Variants in GRM7 observed in about 807,000 individuals in gnomAD.
The protein encoded by GRM7 is metabotropic glutamate receptor 7.
A neutral mutation model predicts 84.5 loss-of-function variants in GRM7; 35 were observed. That is an observed-to-expected ratio of 0.41 (90% CI 0.32 to 0.55). GRM7 has a LOEUF of 0.55. Ranked by LOEUF, GRM7 falls within the 20% of genes least tolerant of loss-of-function variation. The probability of loss-of-function intolerance (pLI) is 0.19; values close to 1 mark genes in which losing one functional copy is unlikely to be tolerated. For synonymous variants in GRM7, 487 were observed against 455.1 expected (o/e 1.07, Z -0.89); for missense variants, 1,003 against 1,194.6 (o/e 0.84, Z 2.36).
intron 8 of GRM7, among the ~76,000 whole-genome samples, chr3:7,647,110 A>T (rs183581522): frequency 7.7e-4 from 117 of 152,352 alleles, no homozygotes; most frequent in Non-Finnish European, 1.1e-3. Flanking sequence ...ATGATTACGT[A>T]GATGGAAGGA....
chr3:7,254,124 C>A (rs142688811), intron 2 of GRM7, among the ~76,000 whole-genome samples: 1 of 152,180 alleles, frequency 6.6e-6, no homozygotes, highest in Admixed American at 6.5e-5. Flanking sequence ...TCACAGCTAA[C>A]TTCAGCAAGG....
chr3:7,040,970 C>T (rs545519890), intron 1 of GRM7, among the ~76,000 whole-genome samples: 298 of 151,694 alleles, frequency 2.0e-3, no homozygotes, highest in African/African-American at 6.6e-3. Flanking sequence ...GTAGTCCCAG[C>T]TACTCAAGAG....
intron 8 of GRM7, among the ~76,000 whole-genome samples, chr3:7,600,699 G>C (rs1056327394): frequency 6.6e-6 from 1 of 152,034 alleles, no homozygotes; most frequent in Non-Finnish European, 1.5e-5. Context: ...ATGCCTTATA[G>C]TTTGCCCATA....
At chr3:7,341,277 T>C (rs567432450) in intron 4 of GRM7, among the ~76,000 whole-genome samples, 1 of 152,224 alleles carries the variant, frequency 6.6e-6, no homozygotes, top group African/African-American at 2.4e-5. Context: ...AAATGTAACT[T>C]TAAGCAATGA....
At chr3:7,284,056 G>A (rs963167278) in intron 2 of GRM7, among the ~76,000 whole-genome samples, 1 of 152,122 alleles carries the variant, frequency 6.6e-6, no homozygotes, top group African/African-American at 2.4e-5. Context: ...ACATCATCAA[G>A]AATCTTAATT....
chr3:7,013,925 T>A (rs940746883), intron 1 of GRM7, among the ~76,000 whole-genome samples: 2 of 152,234 alleles, frequency 1.3e-5, no homozygotes, highest in African/African-American at 4.8e-5. Flanking sequence ...GCGTAAATTT[T>A]TTCACAATTT....
intron 7 of GRM7, among the ~76,000 whole-genome samples, chr3:7,524,300 A>C (rs1408648861): frequency 1.3e-5 from 2 of 149,794 alleles, no homozygotes; most frequent in Non-Finnish European, 3.0e-5. Flanking sequence ...TGCACAGCAA[A>C]AGAAACTACC....
rs1699332808 is a variant in GRM7 at position 7,486,618 on chromosome 3, T to C, written c.1515+24896T>C. Reference sequence around the variant, plus strand: ...CACACACCTGCTTCTTTCACTTCTCTGCCATGTTGACACAGCACAAGACCC... The same window carrying C: ...CACACACCTGCTTCTTTCACTTCTCCGCCATGTTGACACAGCACAAGACCC... On this transcript the variant is annotated intron_variant, in intron 7 of 9. Transcript: ENST00000357716. The surrounding 1 kb of genome is among the most constrained non-coding windows in gnomAD (Gnocchi z 5.5). Among the ~76,000 whole-genome samples, 1 of 152,186 alleles carries C rather than the reference T, an allele frequency of 6.6e-6. No individual in the cohort carries two copies. Among genetic ancestry groups the C allele is most frequent in the African/African-American group, 2.4e-5 (1 of 41,434 alleles).
chr3:7,235,216 A>T (rs1003631041), intron 2 of GRM7, among the ~76,000 whole-genome samples: 2 of 152,148 alleles, frequency 1.3e-5, no homozygotes, highest in Non-Finnish European at 2.9e-5. Flanking sequence ...TTGTATTTCC[A>T]TGTGGATGTC....
At chr3:6,866,712 C>G (rs1694949314) in intron 1 of GRM7, among the ~76,000 whole-genome samples, 1 of 152,110 alleles carries the variant, frequency 6.6e-6, no homozygotes, top group Non-Finnish European at 1.5e-5. Context: ...ATGTAGTATT[C>G]CCATTCATCT....
chr3:7,728,267 G>A (rs1304337758), intron 9 of GRM7, among the ~76,000 whole-genome samples: 2 of 152,202 alleles, frequency 1.3e-5, no homozygotes, highest in Non-Finnish European at 2.9e-5. Flanking sequence ...AACTGGAAAA[G>A]AAGAGAGTTT....
intron 4 of GRM7, among the ~76,000 whole-genome samples, chr3:7,313,914 T>A (rs1575156443): frequency 8.6e-6 from 1 of 116,156 alleles, no homozygotes; most frequent in Non-Finnish European, 2.1e-5. Context: ...AGTTGTAAAA[T>A]GGAGAGAGAG....
At chr3:7,506,120 T>A (rs1293900938) in intron 7 of GRM7, among the ~76,000 whole-genome samples, 3 of 152,180 alleles carry the variant, frequency 2.0e-5, no homozygotes, top group Non-Finnish European at 4.4e-5. Flanking sequence ...TGACCAGATA[T>A]CCTAATTTAT....
chr3:7,398,135 T>C (rs967894756), intron 4 of GRM7, among the ~76,000 whole-genome samples: 2 of 152,204 alleles, frequency 1.3e-5, no homozygotes, highest in African/African-American at 2.4e-5. Flanking sequence ...GTCAGAATTA[T>C]TGAGTTGAGG....
At chr3:7,175,520 T>C (rs1479111845) in intron 2 of GRM7, among the ~76,000 whole-genome samples, 1 of 152,192 alleles carries the variant, frequency 6.6e-6, no homozygotes, top group African/African-American at 2.4e-5. Flanking sequence ...ACAACTTGAA[T>C]CAACTTGAAA....
At chr3:7,394,586 A>G (rs1274839740) in intron 4 of GRM7, among the ~76,000 whole-genome samples, 1 of 152,214 alleles carries the variant, frequency 6.6e-6, no homozygotes, top group Non-Finnish European at 1.5e-5. Flanking sequence ...AGATTTTTCC[A>G]TATTTCATCT....
intron 2 of GRM7, among the ~76,000 whole-genome samples, chr3:7,180,210 C>T (rs1349793197): frequency 6.6e-6 from 1 of 152,280 alleles, no homozygotes; most frequent in African/African-American, 2.4e-5. Context: ...AATCTGGTGG[C>T]CACCACTTGC....
intron 8 of GRM7, among the ~76,000 whole-genome samples, chr3:7,621,407 G>C (rs1159952970): frequency 1.3e-5 from 2 of 152,076 alleles, no homozygotes; most frequent in Non-Finnish European, 2.9e-5. Context: ...GATGTCTCAA[G>C]TCATTTAGTT....
chr3:7,229,051 C>T (rs1697075907), intron 2 of GRM7, among the ~76,000 whole-genome samples: 1 of 151,984 alleles, frequency 6.6e-6, no homozygotes, highest in African/African-American at 2.4e-5. Context: ...ACAGTGAAAT[C>T]AGTTGACTTC....
Sources: allele counts gnomAD v4.1 joint callset (sites outside exome capture counted in the v4.1 genomes callset), GRCh38; gene constraint gnomAD v4.1.1; non-coding constraint Gnocchi (gnomAD v3.1); transcripts MANE v1.5; gene names NCBI Gene and HGNC (gene_info 2026-07-23, HGNC 2026-07-21).